Variants in SMG1 observed in about 807,000 individuals in gnomAD.
SMG1 encodes SMG1 nonsense mediated mRNA decay associated PI3K related kinase, also known as serine/threonine-protein kinase SMG1.
A neutral mutation model predicts 419.9 loss-of-function variants in SMG1; 22 were observed. That is an observed-to-expected ratio of 0.05 (90% CI 0.04 to 0.07). The LOEUF (loss-of-function observed/expected upper bound fraction) is 0.07. Among genes scored for constraint, SMG1 ranks in the 10% least tolerant of loss-of-function variants. The pLI is 1.00. For synonymous variants in SMG1, 1,538 were observed against 1,553.5 expected, an observed-to-expected ratio of 0.99 and a Z score of 0.23; for missense variants, 3,185 against 4,342.0, an observed-to-expected ratio of 0.73 and a Z score of 7.49.
intron 13 of SMG1, chr16:18,875,375 G>C (rs1033038096): frequency 6.6e-6 from 1 of 152,512 alleles, no homozygotes; most frequent in South Asian, 2.1e-4. Flanking sequence ...TGGATCACCT[G>C]AGGTCAGGAG....
chr16:18,837,707 G>C (rs1341681029), intron 45 of SMG1, among the ~76,000 whole-genome samples: 1 of 152,164 alleles, frequency 6.6e-6, no homozygotes, highest in African/African-American at 2.4e-5. Flanking sequence ...AGATAGGGAA[G>C]GGAAGCTATC....
intron 58 of SMG1, 84 bp downstream of exon 58, chr16:18,816,218 G>T: frequency 9.7e-7 from 1 of 1,034,222 alleles, no homozygotes; most frequent in Non-Finnish European, 1.4e-6. Flanking sequence ...TTTACAAAAT[G>T]TCACTGTTTT....
intron 41 of SMG1, 47 bp from the exon 42 acceptor site, chr16:18,839,993 T>A: frequency 5.5e-6 from 8 of 1,454,092 alleles, no homozygotes; most frequent in Non-Finnish European, 7.4e-6. Flanking sequence ...CAATTTTATA[T>A]AAGGAAAAAG....
chr16:18,845,908 C>CG (rs1393927048), intron 38 of SMG1, among the ~76,000 whole-genome samples: 11 of 152,004 alleles, frequency 7.2e-5, no homozygotes, highest in Non-Finnish European at 1.6e-4. Flanking sequence ...CTCCACCTCC[C>CG]GGGTTCAAGC....
intron 58 of SMG1, 106 bp downstream of exon 58, chr16:18,816,196 G>T: frequency 1.1e-6 from 1 of 882,318 alleles, no homozygotes; most frequent in Non-Finnish European, 1.7e-6. Context: ...GATGTGATGA[G>T]ATAAATTGTT....
intron 23 of SMG1, among the ~76,000 whole-genome samples, chr16:18,865,240 A>C (rs2035437728): frequency 6.6e-6 from 1 of 152,248 alleles, no homozygotes; most frequent in Non-Finnish European, 1.5e-5. Context: ...TATATGGGGC[A>C]ACTTCTACTA....
rs200910747 is a variant in SMG1, at chr16:18,827,053, C to T, written c.9741+978G>A. 9.3e-5 allele frequency among the ~76,000 whole-genome samples: 14 copies of T among 151,202 alleles called. 4 individuals are homozygous for T. The East Asian group carries it at 2.7e-3, about 29-fold the overall frequency. The stretch of plus-strand genomic sequence containing the variant: ...ACGTCCGTCACCCCTTTCTTTGACT[C>T]GGAGATATTTAGTATGTTTCTACTC... On this transcript the variant is annotated intron_variant, in intron 55 of 62. Transcript: ENST00000446231.
Position 18,842,467 on chromosome 16 carries a change from G to A in SMG1, c.6220-13C>T. The A allele has an allele frequency of 6.2e-7, 1 of 1,607,678 alleles. No individual in the cohort carries two copies. The highest frequency in any genetic ancestry group is 8.5e-7 in the Non-Finnish European group (1 of 1,175,610). On this transcript the variant is annotated splice_polypyrimidine_tract_variant and intron_variant, in intron 39 of 62. Transcript: ENST00000446231. Reference sequence around the variant, plus strand: ...AACTTAGCATTATCTATATTCATAAGATGGGAGAAACAAATTTACATTACA... The same window carrying A: ...AACTTAGCATTATCTATATTCATAAAATGGGAGAAACAAATTTACATTACA...
At chr16:18,895,514 C>T (rs1396140971) in intron 3 of SMG1, among the ~76,000 whole-genome samples, 3 of 150,698 alleles carry the variant, frequency 2.0e-5, no homozygotes, top group Non-Finnish European at 1.5e-5. Flanking sequence ...AAAAAAAAAC[C>T]AGAAAAGTAC....
chr16:18,892,620 C>T (rs2036934104), intron 3 of SMG1, among the ~76,000 whole-genome samples: 1 of 152,030 alleles, frequency 6.6e-6, no homozygotes, highest in African/African-American at 2.4e-5. Flanking sequence ...GTAGTCCCAG[C>T]TACTCGGGAG....
chr16:18,845,405 A>C (rs566896628), intron 39 of SMG1, 24 bp downstream of exon 39: 6 of 1,581,454 alleles, frequency 3.8e-6, no homozygotes, highest in Non-Finnish European at 8.7e-7. Flanking sequence ...CCATTTCAGT[A>C]GCATGCTTGG....
chr16:18,814,880 T>C (rs1350104848), intron 60 of SMG1, among the ~76,000 whole-genome samples: 1 of 52,296 alleles, frequency 1.9e-5, no homozygotes, highest in South Asian at 5.0e-4. Context: ...GCCCGGCCTT[T>C]TTTTTTTTTT....
At chr16:18,837,187 G>T in intron 46 of SMG1, 66 bp downstream of exon 46, 1 of 1,369,356 alleles carries the variant, frequency 7.3e-7, no homozygotes, top group Non-Finnish European at 1.0e-6. Context: ...CCATATTGAT[G>T]TTTACATGAA....
chr16:18,888,562 G>A (rs2036740696), intron 6 of SMG1, among the ~76,000 whole-genome samples: 1 of 151,262 alleles, frequency 6.6e-6, no homozygotes, highest in Non-Finnish European at 1.5e-5. Flanking sequence ...CGGCCTCCCA[G>A]GTTCAAGCGA....
intron 49 of SMG1, 65 bp from the exon 50 acceptor site, chr16:18,834,503 G>C: frequency 6.9e-7 from 1 of 1,445,512 alleles, no homozygotes; most frequent in Non-Finnish European, 9.4e-7. Context: ...TAACTGGCCG[G>C]GTCAAGGCCA....
chr16:18,853,798 T>G lies in SMG1; in HGVS notation c.4553A>C (p.Glu1518Ala). The G allele has an allele frequency of 6.2e-7, 1 of 1,613,754 alleles. No homozygotes were observed. The change falls in exon 31 of 63, where the codon GAA (glutamate) becomes GCA (alanine). Residue 1518 changes from glutamate to alanine, a missense_variant. Physicochemically the swap from Glu to Ala is moderately radical, Grantham distance 107 (BLOSUM62 -1). Transcript: ENST00000446231. Reference sequence around the variant, plus strand: ...CAGAATTGATTTAGCAACTGCATATTCAGCTTTCACAGACTTGCAGAAAGA... The same window carrying G: ...CAGAATTGATTTAGCAACTGCATATGCAGCTTTCACAGACTTGCAGAAAGA... ...AISFCKSVKA[E>A]YAVAKSILTL...
Position 18,815,345 on chromosome 16 carries a change from T to C in SMG1, c.10515-64A>G. 1.9e-6 allele frequency: 3 copies of C among 1,542,388 alleles called. No individual in the cohort carries two copies. The South Asian group carries it at 3.5e-5, about 18-fold the overall frequency. On this transcript the variant is annotated intron_variant, in intron 59 of 62. Coordinates refer to ENST00000446231, the MANE Select transcript of SMG1 (RefSeq NM_015092.5). ...TTACCTGATACTACTTATAAAAATA[T>C]GAACAAAACTGAAAAATTAAATCAA...
chr16:18,849,465 G>A lies in SMG1; in HGVS notation c.5462-87C>T, dbSNP rs147911889. On this transcript the variant is annotated intron_variant, in intron 35 of 62. Transcript: ENST00000446231. ...GCATCGTAGATCAAACAGATAAAACGTGATGTGTGTCGGCATTAGTACGGA... is the reference window on the plus strand; with the variant it reads ...GCATCGTAGATCAAACAGATAAAACATGATGTGTGTCGGCATTAGTACGGA... 11 of 1,267,368 alleles carry A rather than the reference G, an allele frequency of 8.7e-6. No homozygotes were observed. The African/African-American group carries it at 1.0e-4, about 12-fold the overall frequency. The allele number at this position is 1,267,368 out of a possible 1,614,324, so 78.5% of individuals were successfully genotyped here.
At position 18,890,920 on chromosome 16, in the gene SMG1, A is replaced by G. The variant is rs761215949; in HGVS notation, c.551T>C (p.Val184Ala). 7.3e-6 allele frequency: 11 copies of G among 1,511,148 alleles called. No homozygotes were observed. The Admixed American group carries it at 1.8e-4, about 25-fold the overall frequency. 93.6% of individuals were successfully genotyped at this position (1,511,148 alleles called of 1,614,324 possible). Residue 184 changes from valine to alanine, a missense_variant and splice_region_variant, in exon 5 of 63, where the codon GTA becomes GCA. This residue lies in a region of SMG1 where 20 missense variants were observed against 54.7 expected (regional missense o/e 0.37). Transcript: ENST00000446231. Reference sequence around the variant, plus strand: ...GATATTATCCAATTGTTTAACTAGTACCTTTAAAAGAAAACACATTTATAA... The same window carrying G: ...GATATTATCCAATTGTTTAACTAGTGCCTTTAAAAGAAAACACATTTATAA... ...EFIQQPENKL[V>A]LVKQLDNILA...
Sources: allele counts gnomAD v4.1 joint callset (sites outside exome capture counted in the v4.1 genomes callset), GRCh38; gene constraint gnomAD v4.1.1; regional missense constraint gnomAD v4.1.1; transcripts MANE v1.5; gene names NCBI Gene and HGNC (gene_info 2026-07-23, HGNC 2026-07-21).